Variants in GREB1 observed in about 807,000 individuals in gnomAD.
The protein encoded by GREB1 is protein GREB1.
A neutral mutation model predicts 200.7 loss-of-function variants in GREB1; 106 were observed. That is an observed-to-expected ratio of 0.53 (90% confidence interval 0.45 to 0.62). The LOEUF is 0.62. Ranked by LOEUF, GREB1 falls within the 20% of genes least tolerant of loss-of-function variation. The probability of loss-of-function intolerance (pLI) is 0.00; values close to 1 mark genes in which losing one functional copy is unlikely to be tolerated. For missense variants in GREB1, 2,243 were observed against 2,556.8 expected, an observed-to-expected ratio of 0.88 and a Z score of 2.65; for synonymous variants, 1,132 against 1,092.4, an observed-to-expected ratio of 1.04 and a Z score of -0.72.
At chr2:11,632,641 T>C (rs1262023005) in intron 27 of GREB1, among the ~76,000 whole-genome samples, 1 of 152,170 alleles carries the variant, frequency 6.6e-6, no homozygotes, top group Non-Finnish European at 1.5e-5. Context: ...CCTGGCCAAA[T>C]TGATATTTTC....
chr2:11,566,550 C>G lies in GREB1; in HGVS notation c.348C>G (p.Gly116=). 1 of 1,614,110 alleles carries G rather than the reference C, an allele frequency of 6.2e-7. No homozygotes were observed. The highest frequency in any genetic ancestry group is 8.5e-7 in the Non-Finnish European group (1 of 1,179,994). Residue 116 remains glycine (G), a synonymous_variant, in exon 4 of 33, where the codon GGC becomes GGG. Transcript: ENST00000381486. ...ACGAGCCCATGGATGTCCCTGCGGG[C>G]TTTCTCCTCGTGGGGGTCAAGTCCC... ...ISNEPMDVPA[G]FLLVGVKSPS... is the part of the protein sequence containing the mutation.
At chr2:11,547,708 T>C (rs1265557488) in intron 1 of GREB1, among the ~76,000 whole-genome samples, 2 of 152,230 alleles carry the variant, frequency 1.3e-5, no homozygotes, top group African/African-American at 4.8e-5. Context: ...CATTTTTAAA[T>C]TGACGAAATT....
chr2:11,566,865 A>C (rs1175644862), intron 4 of GREB1, among the ~76,000 whole-genome samples: 1 of 152,206 alleles, frequency 6.6e-6, no homozygotes, highest in African/African-American at 2.4e-5. Flanking sequence ...GCATCCCTGC[A>C]GAAAGCTCAC....
At chr2:11,634,983 G>T (rs115025857) in intron 29 of GREB1, among the ~76,000 whole-genome samples, 1 of 152,200 alleles carries the variant, frequency 6.6e-6, no homozygotes, top group Non-Finnish European at 1.5e-5. Flanking sequence ...TTTCTCACGT[G>T]CACTTGGCCC....
At chr2:11,594,198 CAG>C (rs781021434) in intron 11 of GREB1, among the ~76,000 whole-genome samples, 9 of 151,220 alleles carry the variant, frequency 6.0e-5, no homozygotes, top group Non-Finnish European at 1.0e-4. Context: ...TTGGTAGAGA[CAG>C]GGTTTTGCAA....
In GREB1 at chr2:11,598,712, C is replaced by T. The variant is rs1341053762; in HGVS notation, c.2185C>T (p.His729Tyr). The T allele has an allele frequency of 6.2e-7, 1 of 1,614,154 alleles. No individual in the cohort carries two copies. The highest frequency in any genetic ancestry group is 1.7e-5 in the Admixed American group (1 of 60,034). The stretch of plus-strand genomic sequence containing the variant: ...GCTGGAGCTTGGTCTGAAGAAAGAG[C>T]ACATGACGAAGCAGAGGGTGGAACA... ...VLLELGLKKE[H>Y]MTKQRVEQYV... Residue 729 changes from histidine (H) to tyrosine (Y), a missense_variant, in exon 15 of 33, where the codon CAC (histidine) becomes TAC (tyrosine). Physicochemically the swap from His to Tyr is moderately conservative, Grantham distance 83. Coordinates refer to ENST00000381486, the MANE Select transcript of GREB1 (RefSeq NM_014668.4).
intron 1 of GREB1, among the ~76,000 whole-genome samples, chr2:11,538,625 CTT>C (rs1480578446): frequency 5.6e-5 from 1 of 17,992 alleles, no homozygotes; most frequent in Non-Finnish European, 2.0e-4. Context: ...TTCTTTCTTT[CTT>C]TCTTTCTTTC....
intron 1 of GREB1, among the ~76,000 whole-genome samples, chr2:11,524,993 C>T (rs964752552): frequency 6.6e-6 from 1 of 152,092 alleles, no homozygotes; most frequent in African/African-American, 2.4e-5. Flanking sequence ...GTTTGGAAAG[C>T]GGACTACACT....
rs751580489 is a variant in GREB1 at position 11,602,522 on chromosome 2, G to A, written c.2646G>A (p.Met882Ile). 9.9e-6 allele frequency: 16 copies of A among 1,613,842 alleles called. No individual in the cohort carries two copies. Among genetic ancestry groups the A allele is most frequent in the Admixed American group, 8.3e-5 (5 of 60,012 alleles). The part of the protein sequence containing the change: ...LLRYDSSFEA[M>I]VTALGKRFPR... ...GATACGATAGCTCCTTTGAGGCCAT[G>A]GTCACTGCATTAGGAAAAAGGTACT... The change falls in exon 17 of 33, where the codon ATG (methionine) becomes ATA (isoleucine). Residue 882 changes from methionine to isoleucine, a missense_variant. Met to Ile is a conservative substitution (Grantham distance 10). Around this residue, in one of 3 missense-constraint regions of GREB1, gnomAD observed 1,178 missense variants for 1,387.4 expected, o/e 0.85. Transcript: ENST00000381486.
At chr2:11,549,842 C>T (rs1046113329) in intron 1 of GREB1, among the ~76,000 whole-genome samples, 4 of 152,106 alleles carry the variant, frequency 2.6e-5, no homozygotes, top group African/African-American at 9.7e-5. Context: ...TTAGTGTCTA[C>T]CTTTTATGTT....
upstream of GREB1, among the ~76,000 whole-genome samples, chr2:11,531,968 A>C (rs1298762893): frequency 6.6e-6 from 1 of 152,228 alleles, no homozygotes; most frequent in African/African-American, 2.4e-5. Flanking sequence ...ATTAGGTGTT[A>C]AAGATGTGAA....
chr2:11,502,125 C>T (rs1392781577), intron 1 of GREB1, among the ~76,000 whole-genome samples: 1 of 150,996 alleles, frequency 6.6e-6, no homozygotes, highest in Non-Finnish European at 1.5e-5. Context: ...CCATGTTGGC[C>T]AGGCTGGTCT....
At chr2:11,552,892 C>T (rs954935955) in intron 1 of GREB1, among the ~76,000 whole-genome samples, 2 of 151,602 alleles carry the variant, frequency 1.3e-5, no homozygotes, top group African/African-American at 4.9e-5. Flanking sequence ...CGCCTGTAGT[C>T]CCAGCTACAC....
chr2:11,607,336 G>C (rs1453817516), intron 17 of GREB1, among the ~76,000 whole-genome samples: 1 of 151,514 alleles, frequency 6.6e-6, no homozygotes, highest in Non-Finnish European at 1.5e-5. Flanking sequence ...CCAAAGTGCT[G>C]GAACATTTTA....
chr2:11,552,172 G>A (rs942654637), intron 1 of GREB1, among the ~76,000 whole-genome samples: 4 of 152,292 alleles, frequency 2.6e-5, no homozygotes, highest in South Asian at 4.1e-4. Flanking sequence ...GCTGTTGTTC[G>A]GCCATCATCA....
At chr2:11,595,800 C>T (rs1490301670) in intron 12 of GREB1, among the ~76,000 whole-genome samples, 1 of 152,146 alleles carries the variant, frequency 6.6e-6, no homozygotes, top group Non-Finnish European at 1.5e-5. Flanking sequence ...CCTCAAGACT[C>T]ATCTCATGTC....
chr2:11,580,279 A>T lies in GREB1; in HGVS notation c.773-425A>T, dbSNP rs1679334020. Reference sequence around the variant, plus strand: ...TATCAACCAGAGGTCTTGAGAGAGAAGGTAGAAGGAAGCAGAACAGTTTCA... The same window carrying T: ...TATCAACCAGAGGTCTTGAGAGAGATGGTAGAAGGAAGCAGAACAGTTTCA... On this transcript the variant is annotated intron_variant, in intron 6 of 32. Transcript: ENST00000381486. The surrounding 1 kb of genome is among the most constrained non-coding windows in gnomAD (Gnocchi z 4.5). Among the ~76,000 whole-genome samples the T allele has an allele frequency of 6.6e-6, 1 of 152,180 alleles. No homozygotes were observed. The highest frequency in any genetic ancestry group is 2.4e-5 in the African/African-American group (1 of 41,430).
At chr2:11,550,258 G>C (rs1039256679) in intron 1 of GREB1, among the ~76,000 whole-genome samples, 1 of 152,110 alleles carries the variant, frequency 6.6e-6, no homozygotes, top group Non-Finnish European at 1.5e-5. Context: ...GAAAGCTGCT[G>C]GTTGACTGCT....
chr2:11,597,695 A>T lies in GREB1; in HGVS notation c.1955-86A>T. 1 of 1,174,670 alleles carries T rather than the reference A, an allele frequency of 8.5e-7. No individual in the cohort carries two copies. Among genetic ancestry groups the T allele is most frequent in the Non-Finnish European group, 1.3e-6 (1 of 782,734 alleles). The allele number at this position is 1,174,670 out of a possible 1,614,324, so 72.8% of individuals were successfully genotyped here. On this transcript the variant is annotated intron_variant, in intron 13 of 32. Transcript: ENST00000381486. The surrounding 1 kb of genome is among the most constrained non-coding windows in gnomAD (Gnocchi z 4.1). ...TTGTGAATGGGGCCGTCTCCCCTGGACAGGTCTCACTGATTCTCTGGCCAA... is the reference window on the plus strand; with the variant it reads ...TTGTGAATGGGGCCGTCTCCCCTGGTCAGGTCTCACTGATTCTCTGGCCAA...
Sources: allele counts gnomAD v4.1 joint callset (sites outside exome capture counted in the v4.1 genomes callset), GRCh38; gene constraint gnomAD v4.1.1; regional missense constraint gnomAD v4.1.1; non-coding constraint Gnocchi (gnomAD v3.1); transcripts MANE v1.5; gene names NCBI Gene and HGNC (gene_info 2026-07-23, HGNC 2026-07-21).